Variants in DAPP1 observed in about 807,000 individuals in gnomAD.
DAPP1 encodes the protein dual adapter for phosphotyrosine and 3-phosphotyrosine and 3-phosphoinositide.
Under a neutral mutation model 41.5 loss-of-function variants are expected in DAPP1, and 20 were observed. The observed-to-expected ratio is 0.48, with a 90% confidence interval of 0.34 to 0.70. The LOEUF (loss-of-function observed/expected upper bound fraction) is 0.70. Ranked by LOEUF, DAPP1 falls within the 30% of genes least tolerant of loss-of-function variation. The pLI is 0.01. For missense variants in DAPP1, 233 were observed against 333.4 expected, an observed-to-expected ratio of 0.70 and a Z score of 2.35; for synonymous variants, 113 against 116.2, an observed-to-expected ratio of 0.97 and a Z score of 0.18.
intron 3 of DAPP1, among the ~76,000 whole-genome samples, chr4:99,843,532 A>G (rs6844133): frequency 2.0e-5 from 3 of 152,136 alleles, no homozygotes; most frequent in Non-Finnish European, 4.4e-5. Flanking sequence ...TTCCCTTGCC[A>G]TAATCTCTAT....
chr4:99,835,480 T>A, intron 1 of DAPP1, 143 bp from the exon 2 acceptor site: 1 of 1,186,254 alleles, frequency 8.4e-7, no homozygotes, highest in Non-Finnish European at 1.2e-6. Flanking sequence ...GATTTCCTTG[T>A]CCTAATGTTG....
intron 8 of DAPP1, among the ~76,000 whole-genome samples, chr4:99,867,102 A>AT (rs1033005000): frequency 3.1e-4 from 47 of 151,928 alleles, no homozygotes; most frequent in Non-Finnish European, 6.2e-4. Context: ...TTTCTTAATT[A>AT]TTTTTTGCAA....
chr4:99,831,990 G>A (rs771838252), intron 1 of DAPP1, among the ~76,000 whole-genome samples: 9 of 149,946 alleles, frequency 6.0e-5, no homozygotes, highest in Non-Finnish European at 1.0e-4. Flanking sequence ...AAAAAAACAG[G>A]TTATATTTCA....
At chr4:99,837,387 T>C (rs1028833552) in intron 2 of DAPP1, among the ~76,000 whole-genome samples, 1 of 152,074 alleles carries the variant, frequency 6.6e-6, no homozygotes, top group Non-Finnish European at 1.5e-5. Context: ...CTACTTGAAG[T>C]GGGTGGGTGT....
intron 3 of DAPP1, among the ~76,000 whole-genome samples, chr4:99,845,862 A>G (rs1284605066): frequency 1.3e-5 from 2 of 152,256 alleles, no homozygotes; most frequent in Non-Finnish European, 2.9e-5. Context: ...ATAACAAAGT[A>G]AAATAAAATT....
intron 4 of DAPP1, among the ~76,000 whole-genome samples, chr4:99,854,401 C>G (rs1472382941): frequency 6.6e-6 from 1 of 152,196 alleles, no homozygotes; most frequent in African/African-American, 2.4e-5. Flanking sequence ...GTAATCATGA[C>G]ACTTGAAAAA....
At chr4:99,851,569 C>T (rs1298433110) in intron 3 of DAPP1, among the ~76,000 whole-genome samples, 6 of 112,634 alleles carry the variant, frequency 5.3e-5, no homozygotes, top group African/African-American at 2.1e-4. Flanking sequence ...GAGACAGAGT[C>T]TCACTCTGTC....
intron 4 of DAPP1, 71 bp downstream of exon 4, chr4:99,853,419 A>G: frequency 6.5e-7 from 1 of 1,528,146 alleles, no homozygotes; most frequent in Non-Finnish European, 8.8e-7. Flanking sequence ...AAAAGTTAAT[A>G]AGAGTGTATT....
At position 99,863,781 on chromosome 4, in the gene DAPP1, A is replaced by G. The variant is rs577479651; in HGVS notation, c.612A>G (p.Pro204=). The G allele has an allele frequency of 1.7e-4, 262 of 1,587,602 alleles. No individual in the cohort carries two copies. The highest frequency in any genetic ancestry group is 7.3e-4 in the Admixed American group (41 of 56,376). Residue 204 remains proline, a synonymous_variant, in exon 7 of 9, where the codon CCA becomes CCG. Coordinates refer to ENST00000512369, the MANE Select transcript of DAPP1 (RefSeq NM_014395.3). ...TTTATTTTATTTAGTCACCAGAACC[A>G]ATTCGGATCCTAGACCTAACAGAAT... The part of the protein sequence containing the change: ...KYFKDQMSPE[P]IRILDLTECS...
chr4:99,822,575 A>T (rs1340472886), intron 1 of DAPP1, among the ~76,000 whole-genome samples: 1 of 152,182 alleles, frequency 6.6e-6, no homozygotes, highest in Non-Finnish European at 1.5e-5. Flanking sequence ...TGGTAGCAAA[A>T]TATGCAAGGA....
chr4:99,865,767 A>G (rs1724400110), intron 7 of DAPP1: 1 of 151,066 alleles, frequency 6.6e-6, no homozygotes, highest in Admixed American at 6.6e-5. Context: ...TAATAATATG[A>G]ATCTACAACT....
intron 3 of DAPP1, among the ~76,000 whole-genome samples, chr4:99,843,482 C>T (rs1295765946): frequency 6.6e-6 from 1 of 152,156 alleles, no homozygotes; most frequent in African/African-American, 2.4e-5. Flanking sequence ...AACATCTAAG[C>T]CTCTTGACAA....
At chr4:99,852,074 T>C (rs1187319666) in intron 3 of DAPP1, among the ~76,000 whole-genome samples, 1 of 152,204 alleles carries the variant, frequency 6.6e-6, no homozygotes, top group Non-Finnish European at 1.5e-5. Context: ...TATTCATTTT[T>C]TCCATAACAC....
intron 8 of DAPP1, among the ~76,000 whole-genome samples, chr4:99,867,425 T>TA (rs1476482880): frequency 1.3e-5 from 2 of 152,174 alleles, no homozygotes; most frequent in Non-Finnish European, 2.9e-5. Flanking sequence ...TTGCTAGAAG[T>TA]AAAAACCACA....
At chr4:99,858,793 T>C (rs901455966) in intron 4 of DAPP1, among the ~76,000 whole-genome samples, 1 of 152,204 alleles carries the variant, frequency 6.6e-6, no homozygotes, top group African/African-American at 2.4e-5. Flanking sequence ...GTTATAATCA[T>C]GACTATCATT....
rs754233433 is a variant in DAPP1 at position 99,863,066 on chromosome 4, C to G, written c.594C>G (p.Asp198Glu). ...LHRNELKYFK[D>E]QMSPEPIRIL... ...GGAATGAACTGAAATACTTCAAAGA[C>G]CAGATGGTGAGAAACATGATAATAT... The change falls in exon 6 of 9, where the codon GAC becomes GAG. Residue 198 changes from aspartate (D) to glutamate (E), a missense_variant. Physicochemically the swap from Asp to Glu is conservative, Grantham distance 45. Coordinates refer to ENST00000512369, the MANE Select transcript of DAPP1 (RefSeq NM_014395.3). The G allele has an allele frequency of 1.3e-6, 2 of 1,575,416 alleles. No individual in the cohort carries two copies. Among genetic ancestry groups the G allele is most frequent in the African/African-American group, 2.7e-5 (2 of 72,784 alleles).
chr4:99,866,800 C>T (rs1282112404), intron 8 of DAPP1, among the ~76,000 whole-genome samples: 2 of 130,366 alleles, frequency 1.5e-5, no homozygotes, highest in African/African-American at 5.8e-5. Flanking sequence ...GACAGAGTCT[C>T]GTTCTGTTGC....
chr4:99,852,492 C>A (rs893490635), intron 3 of DAPP1, among the ~76,000 whole-genome samples: 4 of 152,168 alleles, frequency 2.6e-5, no homozygotes, highest in African/African-American at 9.7e-5. Context: ...CCCCAGCCCC[C>A]CATGCCTGGA....
At chr4:99,866,677 G>A in intron 8 of DAPP1, 3 of 749,006 alleles carry the variant, frequency 4.0e-6, no homozygotes, top group Non-Finnish European at 7.3e-6. Flanking sequence ...TTGCAAGTTA[G>A]TGAGTTCTTA....
Sources: allele counts gnomAD v4.1 joint callset (sites outside exome capture counted in the v4.1 genomes callset), GRCh38; gene constraint gnomAD v4.1.1; transcripts MANE v1.5; gene names NCBI Gene and HGNC (gene_info 2026-07-23, HGNC 2026-07-21).